The following CDK5RAP2 variants were observed in gnomAD, a reference collection of about 807,000 sequenced individuals.
CDK5RAP2 encodes CDK5 regulatory subunit associated protein 2.
Under a neutral mutation model 232.9 loss-of-function variants are expected in CDK5RAP2, and 147 were observed. The observed-to-expected ratio is 0.63, with a 90% CI of 0.55 to 0.72. The LOEUF (loss-of-function observed/expected upper bound fraction) is 0.72. CDK5RAP2 is among the 30% of genes least tolerant of loss of function. The pLI is 0.00. For synonymous variants in CDK5RAP2, 833 were observed against 833.7 expected, an observed-to-expected ratio of 1.00 and a Z score of 0.01; for missense variants, 2,195 against 2,231.5, an observed-to-expected ratio of 0.98 and a Z score of 0.33.
chr9:120,570,002 C>G (rs1238140676), intron 2 of CDK5RAP2, among the ~76,000 whole-genome samples: 1 of 151,986 alleles, frequency 6.6e-6, no homozygotes, highest in Non-Finnish European at 1.5e-5. Context: ...GAAAGTACAC[C>G]TTAGTCAGCC....
chr9:120,389,440 G>A (rs1027004934), intron 37 of CDK5RAP2, 148 bp from the exon 38 acceptor site: 16 of 715,334 alleles, frequency 2.2e-5, no homozygotes, highest in Admixed American at 1.0e-4. Flanking sequence ...AATAAACAAC[G>A]ATGAGATCAT....
chr9:120,418,842 G>A (rs1193609662), intron 27 of CDK5RAP2, among the ~76,000 whole-genome samples: 2 of 152,156 alleles, frequency 1.3e-5, no homozygotes, highest in Non-Finnish European at 2.9e-5. Context: ...AAGACTCAGA[G>A]GCCACCATGG....
chr9:120,530,776 G>A (rs1027166845), intron 7 of CDK5RAP2, among the ~76,000 whole-genome samples: 5 of 147,704 alleles, frequency 3.4e-5, no homozygotes, highest in Admixed American at 1.4e-4. Context: ...CAAACACTGC[G>A]TGTTCTCACT....
intron 21 of CDK5RAP2, among the ~76,000 whole-genome samples, chr9:120,449,766 GA>G (rs1260574511): frequency 1.3e-5 from 2 of 152,190 alleles, no homozygotes; most frequent in Admixed American, 1.3e-4. Context: ...CATGTGAAAA[GA>G]TGCTCAACAT....
chr9:120,457,950 T>C (rs1330582097), intron 20 of CDK5RAP2, among the ~76,000 whole-genome samples: 1 of 152,204 alleles, frequency 6.6e-6, no homozygotes, highest in Non-Finnish European at 1.5e-5. Flanking sequence ...AAAGGATTAA[T>C]TGAAAAAATA....
intron 25 of CDK5RAP2, among the ~76,000 whole-genome samples, chr9:120,423,853 T>G (rs2034718931): frequency 6.6e-6 from 1 of 152,238 alleles, no homozygotes; most frequent in African/African-American, 2.4e-5. Flanking sequence ...CACATTTGCT[T>G]TAAGTCTAGA....
chr9:120,508,384 G>A (rs943244730), intron 12 of CDK5RAP2, among the ~76,000 whole-genome samples: 1 of 152,146 alleles, frequency 6.6e-6, no homozygotes, highest in Non-Finnish European at 1.5e-5. Context: ...CTCCACTTCT[G>A]TGTTTTCTCT....
chr9:120,543,518 T>C (rs1470160550), intron 5 of CDK5RAP2, among the ~76,000 whole-genome samples: 1 of 152,138 alleles, frequency 6.6e-6, no homozygotes, highest in African/African-American at 2.4e-5. Flanking sequence ...TCAAATGCCA[T>C]CTCCTCAGGG....
Position 120,539,267 on chromosome 9 carries a change from A to T in CDK5RAP2, c.384-103T>A. 4.2e-6 allele frequency: 6 copies of T among 1,421,986 alleles called. No homozygotes were observed. The Admixed American group carries it at 1.0e-4, about 25-fold the overall frequency. 88.1% of individuals were successfully genotyped at this position (1,421,986 alleles called of 1,614,324 possible). ...AGTATTTGCTAGTCATTTCTCCCAC[A>T]GACCTGTGCTGAGCTTCTTTTTCTT... On this transcript the variant is annotated intron_variant, in intron 5 of 37. Transcript: ENST00000349780.
chr9:120,458,084 A>G (rs1385508707), intron 20 of CDK5RAP2, among the ~76,000 whole-genome samples: 1 of 152,262 alleles, frequency 6.6e-6, no homozygotes, highest in Non-Finnish European at 1.5e-5. Flanking sequence ...CAGCAAAAAC[A>G]GCAGAATCAC....
intron 12 of CDK5RAP2, among the ~76,000 whole-genome samples, chr9:120,512,489 C>T (rs1256569841): frequency 6.6e-6 from 1 of 152,136 alleles, no homozygotes. Flanking sequence ...TTCTGAAACA[C>T]AAAAAGGAAC....
intron 5 of CDK5RAP2, among the ~76,000 whole-genome samples, chr9:120,540,879 G>C (rs893484242): frequency 6.6e-6 from 1 of 152,226 alleles, no homozygotes; most frequent in African/African-American, 2.4e-5. Flanking sequence ...TGCTGTGAGA[G>C]GCCTCATGCT....
chr9:120,528,218 G>T (rs2040993195), intron 9 of CDK5RAP2, among the ~76,000 whole-genome samples: 1 of 152,240 alleles, frequency 6.6e-6, no homozygotes, highest in African/African-American at 2.4e-5. Context: ...CAGTCAGTCA[G>T]AGTCTTTGAA....
chr9:120,391,713 G>A (rs558170563), intron 36 of CDK5RAP2, among the ~76,000 whole-genome samples: 1 of 152,334 alleles, frequency 6.6e-6, no homozygotes, highest in East Asian at 1.9e-4. Flanking sequence ...GAGAAGGTAT[G>A]GTGTCAGTTT....
intron 30 of CDK5RAP2, among the ~76,000 whole-genome samples, 187 bp downstream of exon 30, chr9:120,408,940 C>T (rs942662736): frequency 6.6e-6 from 1 of 152,272 alleles, no homozygotes; most frequent in African/African-American, 2.4e-5. Flanking sequence ...CAACCCACTG[C>T]CAAGCCCTCT....
chr9:120,524,006 G>C (rs930185904), intron 11 of CDK5RAP2, among the ~76,000 whole-genome samples: 2 of 152,040 alleles, frequency 1.3e-5, no homozygotes, highest in African/African-American at 2.4e-5. Flanking sequence ...AGGGAGATAC[G>C]GGATGACAGT....
intron 7 of CDK5RAP2, chr9:120,532,493 CTG>C (rs1246626684): frequency 6.6e-6 from 1 of 152,248 alleles, no homozygotes; most frequent in Non-Finnish European, 1.5e-5. Flanking sequence ...GTGAGTCAAT[CTG>C]TGTCGCAGAT....
chr9:120,442,085 T>C (rs932152703), intron 23 of CDK5RAP2, among the ~76,000 whole-genome samples: 4 of 152,208 alleles, frequency 2.6e-5, no homozygotes, highest in African/African-American at 9.6e-5. Flanking sequence ...GCGTGTTCAC[T>C]CATGGAAATA....
intron 10 of CDK5RAP2, among the ~76,000 whole-genome samples, chr9:120,526,580 C>T (rs1039938829): frequency 2.0e-5 from 3 of 152,134 alleles, no homozygotes; most frequent in African/African-American, 7.2e-5. Flanking sequence ...CTCACTGAGG[C>T]TACTGGTCTC....
Sources: allele counts gnomAD v4.1 joint callset (sites outside exome capture counted in the v4.1 genomes callset), GRCh38; gene constraint gnomAD v4.1.1; transcripts MANE v1.5; gene names NCBI Gene and HGNC (gene_info 2026-07-23, HGNC 2026-07-21).